SYT1: variants seen among roughly 807,000 people sequenced by gnomAD.
SYT1 encodes synaptotagmin-1.
In SYT1, 8 loss-of-function variants were observed where a neutral mutation model predicts 44.8. That is an observed-to-expected ratio of 0.18 (90% CI 0.10 to 0.32). The LOEUF (loss-of-function observed/expected upper bound fraction) is 0.32. Among genes scored for constraint, SYT1 ranks in the 10% least tolerant of loss-of-function variants. SYT1 has a pLI of 1.00. For synonymous variants in SYT1, 154 were observed against 188.8 expected (o/e 0.82, Z 1.51); for missense variants, 286 against 509.3 (o/e 0.56, Z 4.22).
chr12:79,057,186 A>T (rs1875011753), intron 3 of SYT1, among the ~76,000 whole-genome samples: 1 of 152,032 alleles, frequency 6.6e-6, no homozygotes, highest in Non-Finnish European at 1.5e-5. Flanking sequence ...AAAGATGAAA[A>T]ATCTGGTTCA....
At chr12:79,034,605 G>C (rs757456525) in intron 2 of SYT1, among the ~76,000 whole-genome samples, 73 of 151,786 alleles carry the variant, frequency 4.8e-4, no homozygotes, top group Admixed American at 2.6e-3. Context: ...TCCTTGTGAA[G>C]CTGAATGTGA....
chr12:79,132,392 T>C (rs1326004051), intron 3 of SYT1, among the ~76,000 whole-genome samples: 2 of 149,184 alleles, frequency 1.3e-5, no homozygotes, highest in Non-Finnish European at 3.0e-5. Flanking sequence ...GAGGTTGCAG[T>C]GAGCCAAGAT....
chr12:79,283,779 T>A (rs1276923622), intron 4 of SYT1, among the ~76,000 whole-genome samples: 1 of 152,000 alleles, frequency 6.6e-6, no homozygotes, highest in Non-Finnish European at 1.5e-5. Context: ...GGAAGAAAAC[T>A]TCTTTAGGTG....
chr12:79,024,364 T>A (rs1265122450), intron 2 of SYT1, among the ~76,000 whole-genome samples: 1 of 151,810 alleles, frequency 6.6e-6, no homozygotes, highest in Non-Finnish European at 1.5e-5. Context: ...AACCCAGGGT[T>A]GTGCTGCTTC....
chr12:78,992,004 C>T (rs77439530), intron 2 of SYT1, among the ~76,000 whole-genome samples: 2,080 of 152,244 alleles, frequency 0.014, 53 homozygotes, highest in African/African-American at 0.048. Context: ...GGTCCAGGCT[C>T]CTCATCAAGG....
chr12:79,449,001 C>G lies in SYT1; in HGVS notation c.1146C>G (p.Asn382Lys), dbSNP rs745849736. ...DAIGKVFVGY[N>K]STGAELRHWS... ...TCGGCAAAGTCTTTGTGGGCTACAA[C>G]AGCACCGGCGCGGAGCTGCGACACT... Residue 382 changes from asparagine to lysine, a missense_variant, in exon 11 of 11, where the codon AAC (asparagine) becomes AAG (lysine). Transcript: ENST00000261205. 6.2e-6 allele frequency: 10 copies of G among 1,614,122 alleles called. No homozygotes were observed. Among genetic ancestry groups the G allele is most frequent in the Non-Finnish European group, 8.5e-6 (10 of 1,180,042 alleles).
intron 9 of SYT1, among the ~76,000 whole-genome samples, chr12:79,399,961 G>C (rs1394018943): frequency 6.6e-6 from 1 of 152,192 alleles, no homozygotes; most frequent in South Asian, 2.1e-4. Context: ...AGCTTCTAGA[G>C]ATCTTTAACC....
At chr12:79,349,291 C>A (rs1882786138) in intron 8 of SYT1, among the ~76,000 whole-genome samples, 1 of 151,682 alleles carries the variant, frequency 6.6e-6, no homozygotes, top group Non-Finnish European at 1.5e-5. Context: ...TAAAGGAAAA[C>A]AAAGAGAAAG....
intron 4 of SYT1, among the ~76,000 whole-genome samples, chr12:79,248,880 T>C (rs1004894141): frequency 6.6e-6 from 1 of 152,128 alleles, no homozygotes; most frequent in African/African-American, 2.4e-5. Flanking sequence ...TCTGAGAATA[T>C]TGACCCTTTA....
Position 79,408,408 on chromosome 12 carries a change from C to A in SYT1, c.929-35665C>A, listed in dbSNP as rs562076715. Among the ~76,000 whole-genome samples, 33 of 152,210 alleles carry A rather than the reference C, an allele frequency of 2.2e-4. No individual in the cohort carries two copies. In the South Asian group the frequency reaches 3.7e-3, roughly 17 times the overall value. On this transcript the variant is annotated intron_variant, in intron 9 of 10. Coordinates refer to ENST00000261205, the MANE Select transcript of SYT1 (RefSeq NM_005639.3). ...GGCCTCCAGAAAACAAACAGATATG[C>A]CCACTTAGATTGGCATTAGTGGGTT...
intron 2 of SYT1, among the ~76,000 whole-genome samples, chr12:79,020,427 C>T (rs1872114280): frequency 6.6e-6 from 1 of 151,860 alleles, no homozygotes. Flanking sequence ...ACTGGTTCTC[C>T]TCCTCTCTGA....
chr12:79,123,545 G>T, intron 3 of SYT1, among the ~76,000 whole-genome samples: 1 of 152,228 alleles, frequency 6.6e-6, no homozygotes, highest in East Asian at 1.9e-4. Context: ...TAACCACAGC[G>T]CTGCATTCTT....
At chr12:79,392,127 A>AG (rs1203720847) in intron 9 of SYT1, 2 of 152,204 alleles carry the variant, frequency 1.3e-5, no homozygotes, top group African/African-American at 4.8e-5. Flanking sequence ...TGGTTTTGGG[A>AG]GAGTATCTTA....
chr12:78,930,387 A>G (rs1462383982), intron 1 of SYT1, among the ~76,000 whole-genome samples: 1 of 152,088 alleles, frequency 6.6e-6, no homozygotes, highest in East Asian at 1.9e-4. Flanking sequence ...ATACTGTAAT[A>G]CATTTTCAAT....
intron 10 of SYT1, among the ~76,000 whole-genome samples, chr12:79,445,589 T>C (rs1006682290): frequency 6.6e-6 from 1 of 151,548 alleles, no homozygotes; most frequent in Non-Finnish European, 1.5e-5. Flanking sequence ...CTTAACATAA[T>C]GTCTGCCAGT....
chr12:79,230,018 C>A (rs918061161), intron 4 of SYT1, among the ~76,000 whole-genome samples: 9 of 152,154 alleles, frequency 5.9e-5, no homozygotes, highest in African/African-American at 2.2e-4. Flanking sequence ...GGTCACAGGA[C>A]CCTACACATC....
intron 4 of SYT1, among the ~76,000 whole-genome samples, chr12:79,273,713 A>G (rs1878557771): frequency 6.6e-6 from 1 of 152,332 alleles, no homozygotes; most frequent in Admixed American, 6.5e-5. Flanking sequence ...AACAGAAGGA[A>G]GACATTCCTG....
intron 8 of SYT1, among the ~76,000 whole-genome samples, chr12:79,319,298 G>A (rs1380969102): frequency 6.6e-6 from 1 of 152,142 alleles, no homozygotes; most frequent in Non-Finnish European, 1.5e-5. Flanking sequence ...CAAGCACTGT[G>A]CTCAGTGTGT....
chr12:79,125,647 GA>G (rs1868394529), intron 3 of SYT1, among the ~76,000 whole-genome samples: 1 of 150,214 alleles, frequency 6.7e-6, no homozygotes, highest in Non-Finnish European at 1.5e-5. Context: ...GAAAAAAAAA[GA>G]AAAGAGCTCA....
Sources: allele counts gnomAD v4.1 joint callset (sites outside exome capture counted in the v4.1 genomes callset), GRCh38; gene constraint gnomAD v4.1.1; transcripts MANE v1.5; gene names NCBI Gene and HGNC (gene_info 2026-07-23, HGNC 2026-07-21).